The following MLIP variants were observed in gnomAD, a reference collection of about 807,000 sequenced individuals.
MLIP encodes the protein muscular LMNA interacting protein, also known as muscular LMNA-interacting protein.
A neutral mutation model predicts 84.8 loss-of-function variants in MLIP; 79 were observed. The observed-to-expected ratio is 0.93, with a 90% CI of 0.78 to 1.12. The LOEUF (loss-of-function observed/expected upper bound fraction) is 1.12, where lower values mean the gene tolerates loss of function less well. Ranked by LOEUF, MLIP falls within the 50% of genes most tolerant of loss-of-function variation. The probability of loss-of-function intolerance (pLI) is 0.00; values close to 1 mark genes in which losing one functional copy is unlikely to be tolerated. For missense variants in MLIP, 1,257 were observed against 1,160.6 expected, an observed-to-expected ratio of 1.08 and a Z score of -1.21; for synonymous variants, 504 against 463.0, an observed-to-expected ratio of 1.09 and a Z score of -1.14.
At chr6:54,044,722 A>G (rs193018918) in intron 1 of MLIP, among the ~76,000 whole-genome samples, 6 of 151,894 alleles carry the variant, frequency 4.0e-5, no homozygotes, top group East Asian at 3.9e-4. Context: ...TACTTCCACT[A>G]TGAAGACTTT....
At chr6:54,052,688 A>T (rs960327742) in intron 1 of MLIP, among the ~76,000 whole-genome samples, 2 of 152,110 alleles carry the variant, frequency 1.3e-5, no homozygotes, top group Admixed American at 6.6e-5. Flanking sequence ...TTTTTTGGAG[A>T]TAAATTATAA....
At chr6:54,198,361 C>T (rs1778443385) in intron 10 of MLIP, among the ~76,000 whole-genome samples, 1 of 152,136 alleles carries the variant, frequency 6.6e-6, no homozygotes, top group Middle Eastern at 3.4e-3. Context: ...GATTGCATCA[C>T]CATTTGACAT....
intron 13 of MLIP, among the ~76,000 whole-genome samples, 164 bp downstream of exon 13, chr6:54,257,525 A>G (rs1440699218): frequency 6.6e-6 from 1 of 152,124 alleles, no homozygotes; most frequent in African/African-American, 2.4e-5. Context: ...TGATAGTGAA[A>G]TAAGTAAATT....
intron 5 of MLIP, among the ~76,000 whole-genome samples, chr6:54,152,039 T>C (rs1773504272): frequency 1.3e-5 from 2 of 152,170 alleles, no homozygotes; most frequent in African/African-American, 4.8e-5. Context: ...TTCCATATTC[T>C]ATCATTTTTC....
intron 1 of MLIP, among the ~76,000 whole-genome samples, chr6:54,048,629 C>T (rs1269684503): frequency 4.6e-5 from 7 of 152,214 alleles, no homozygotes; most frequent in Admixed American, 2.6e-4. Flanking sequence ...GGAGCTAAAA[C>T]GAATGTTCAA....
At chr6:54,175,476 A>G (rs1050891692) in intron 9 of MLIP, among the ~76,000 whole-genome samples, 4 of 152,078 alleles carry the variant, frequency 2.6e-5, no homozygotes, top group African/African-American at 9.6e-5. Context: ...GGTTAAGTGA[A>G]TTCCTAGGTT....
intron 3 of MLIP, among the ~76,000 whole-genome samples, chr6:54,126,299 T>G (rs1231984695): frequency 2.6e-5 from 4 of 152,076 alleles, no homozygotes; most frequent in African/African-American, 4.8e-5. Context: ...AACTGATAGT[T>G]TTTTCCCCTG....
At chr6:54,157,917 C>T (rs535676467) in intron 5 of MLIP, among the ~76,000 whole-genome samples, 2 of 152,146 alleles carry the variant, frequency 1.3e-5, no homozygotes, top group Admixed American at 1.3e-4. Flanking sequence ...CATAACCAAC[C>T]TTCCAAATTT....
chr6:54,153,167 A>G (rs192784072), intron 5 of MLIP, among the ~76,000 whole-genome samples: 224 of 151,996 alleles, frequency 1.5e-3, no homozygotes, highest in African/African-American at 4.8e-3. Context: ...TACAGGTTTA[A>G]TTCTTTAAAT....
chr6:54,254,773 C>CT (rs1562113646), intron 12 of MLIP, among the ~76,000 whole-genome samples: 1 of 132,296 alleles, frequency 7.6e-6, no homozygotes, highest in Non-Finnish European at 1.6e-5. Context: ...CCTTCCCTTC[C>CT]TCCCTCCCTT....
In MLIP at chr6:54,124,699, G is replaced by A. The variant is rs761995858; in HGVS notation, c.479G>A (p.Gly160Asp). ...GCTGCAAGCAGAAAAGTTGAACAAGGCCCCCCAGGGGGGATTGGCACCGCA... is the reference window on the plus strand; with the variant it reads ...GCTGCAAGCAGAAAAGTTGAACAAGACCCCCCAGGGGGGATTGGCACCGCA... Reference protein sequence around the residue: ...DEAASRKVEQGPPGGIGTAAV... With the variant: ...DEAASRKVEQDPPGGIGTAAV... Residue 160 changes from glycine (G) to aspartate (D), a missense_variant, in exon 3 of 14, where the codon GGC becomes GAC. Coordinates refer to ENST00000502396, the MANE Select transcript of MLIP (RefSeq NM_001281747.2). 18 of 1,614,146 alleles carry A rather than the reference G, an allele frequency of 1.1e-5. No individual in the cohort carries two copies. Among genetic ancestry groups the A allele is most frequent in the Non-Finnish European group, 1.5e-5 (18 of 1,180,022 alleles).
intron 12 of MLIP, among the ~76,000 whole-genome samples, chr6:54,246,458 G>A (rs1255407096): frequency 6.6e-6 from 1 of 151,686 alleles, no homozygotes; most frequent in African/African-American, 2.4e-5. Flanking sequence ...TTTTTAGTTT[G>A]GTTCATATTG....
chr6:54,043,751 A>C (rs1336156934), intron 1 of MLIP, among the ~76,000 whole-genome samples: 1 of 152,212 alleles, frequency 6.6e-6, no homozygotes, highest in Admixed American at 6.5e-5. Flanking sequence ...GGGGGAAACA[A>C]ATCTTGATCC....
chr6:54,214,248 C>T (rs1398103567), intron 11 of MLIP, among the ~76,000 whole-genome samples: 2 of 152,166 alleles, frequency 1.3e-5, no homozygotes, highest in East Asian at 3.8e-4. Flanking sequence ...TTGTAAAAGG[C>T]TTTCTGCCAA....
intron 12 of MLIP, among the ~76,000 whole-genome samples, chr6:54,254,912 G>A (rs1782903140): frequency 6.6e-6 from 1 of 151,674 alleles, no homozygotes; most frequent in African/African-American, 2.4e-5. Flanking sequence ...CTGACCACAT[G>A]ACCACACGTG....
intron 1 of MLIP, among the ~76,000 whole-genome samples, chr6:54,080,724 ATATT>A (rs1349323926): frequency 2.7e-5 from 4 of 148,182 alleles, no homozygotes; most frequent in Admixed American, 6.8e-5. Context: ...TATAATATAT[ATATT>A]TAATATTTAA....
chr6:54,109,978 G>A (rs1347508623), upstream of MLIP, among the ~76,000 whole-genome samples: 1 of 8,224 alleles, frequency 1.2e-4, no homozygotes, highest in Non-Finnish European at 2.7e-4. Flanking sequence ...CCTTCCTTTC[G>A]TTTTTTCTTT....
At chr6:54,233,513 C>T (rs1350410312) in intron 12 of MLIP, among the ~76,000 whole-genome samples, 5 of 152,156 alleles carry the variant, frequency 3.3e-5, no homozygotes, top group Non-Finnish European at 7.4e-5. Context: ...TGAACTCATC[C>T]CTTTTTATGA....
chr6:54,174,796 G>A (rs1400754794), intron 9 of MLIP, among the ~76,000 whole-genome samples: 1 of 151,812 alleles, frequency 6.6e-6, no homozygotes, highest in Non-Finnish European at 1.5e-5. Context: ...CGGTGCTTGT[G>A]GGGTATTACT....
Sources: gnomAD v4.1 joint callset for allele counts (sites outside exome capture counted in the v4.1 genomes callset) on GRCh38, gnomAD v4.1.1 for gene constraint, MANE v1.5 for transcripts, NCBI Gene and HGNC (gene_info 2026-07-23, HGNC 2026-07-21) for gene names.